DNHD1: variants seen among roughly 807,000 people sequenced by gnomAD.
DNHD1 encodes the protein dynein heavy chain domain-containing protein 1.
Under a neutral mutation model 458.1 loss-of-function variants are expected in DNHD1, and 383 were observed. The observed-to-expected ratio is 0.84, with a 90% CI of 0.77 to 0.91. The LOEUF (loss-of-function observed/expected upper bound fraction) is 0.91, where lower values mean the gene tolerates loss of function less well. Ranked by LOEUF, DNHD1 falls within the 40% of genes least tolerant of loss-of-function variation. The probability of loss-of-function intolerance (pLI) is 0.00; values close to 1 mark genes in which losing one functional copy is unlikely to be tolerated. For synonymous variants in DNHD1, 2,203 were observed against 2,376.9 expected (o/e 0.93, Z 2.13); for missense variants, 5,336 against 5,866.1 (o/e 0.91, Z 2.95).
Position 6,520,029 on chromosome 11 carries a change from A to C in DNHD1, c.1712A>C (p.His571Pro). The stretch of plus-strand genomic sequence containing the variant: ...TTTGATGATCATGGTCAACTGTCTC[A>C]TGTGCCCTGTGTTGAAAATATGATC... ...LVFDDHGQLS[H>P]VPCVENMIQT... The change falls in exon 9 of 43, where the codon CAT becomes CCT. Residue 571 changes from histidine to proline, a missense_variant. By Grantham distance (77) the His-to-Pro change is moderately conservative (BLOSUM62 -2). Around this residue, in one of 4 missense-constraint regions of DNHD1, gnomAD observed 3,932 missense variants for 4,365.6 expected, o/e 0.90. Transcript: ENST00000254579. The C allele has an allele frequency of 6.2e-7, 1 of 1,614,078 alleles. No homozygotes were observed. Among genetic ancestry groups the C allele is most frequent in the South Asian group, 1.1e-5 (1 of 91,082 alleles).
chr11:6,567,036 G>T lies in DNHD1; in HGVS notation c.11527G>T (p.Glu3843Ter). 1 of 1,614,044 alleles carries T rather than the reference G, an allele frequency of 6.2e-7. No individual in the cohort carries two copies. ...AGAGTTAGAAGGGCAGAAACTACAG[G>T]AGATGGTATTGTGGGCACCCTATCG... is the stretch of plus-strand genomic sequence containing the variant. The part of the protein sequence containing the change: ...CEELEGQKLQ[E>*]MVLWAPYRPV... Residue 3843 changes from glutamate to a stop codon, truncating the protein, a stop_gained, in exon 36 of 43, where the codon GAG (glutamate) becomes TAG (stop). Coordinates refer to ENST00000254579, the MANE Select transcript of DNHD1 (RefSeq NM_144666.3). LOFTEE classifies it high-confidence loss of function.
chr11:6,545,710 C>T lies in DNHD1; in HGVS notation c.4771C>T (p.His1591Tyr), dbSNP rs986877312. The stretch of plus-strand genomic sequence containing the variant: ...GGATATAGCACAGCTGCTGGAACAG[C>T]ACCAGGTCAGTGATCTCACAGACTT... ...HRDIAQLLEQHQVSDLTDFHW... is the reference protein window; with the variant it reads ...HRDIAQLLEQYQVSDLTDFHW... Residue 1591 changes from histidine to tyrosine, a missense_variant, in exon 21 of 43, where the codon CAC becomes TAC. Transcript: ENST00000254579. This position sits in a 1 kb window ranked among gnomAD's most constrained non-coding sequence, Gnocchi z 4.9. The T allele has an allele frequency of 6.1e-5, 94 of 1,551,594 alleles. No individual in the cohort carries two copies. Among genetic ancestry groups the T allele is most frequent in the Middle Eastern group, 3.3e-4 (2 of 6,014 alleles).
chr11:6,545,029 G>A lies in DNHD1; in HGVS notation c.4090G>A (p.Asp1364Asn). The A allele has an allele frequency of 6.4e-7, 1 of 1,551,884 alleles. No homozygotes were observed. The highest frequency in any genetic ancestry group is 1.4e-5 in the African/African-American group (1 of 73,172). ...AHFPRLFFLS[D>N]SELVALLAAR... ...CTTCCCCCGCCTCTTCTTCCTTAGT[G>A]ACAGTGAGCTGGTAGCCCTGCTGGC... The change falls in exon 21 of 43, where the codon GAC becomes AAC. Residue 1364 changes from aspartate (D) to asparagine (N), a missense_variant. Asp to Asn is a conservative substitution (Grantham distance 23, BLOSUM62 1). Transcript: ENST00000254579. This position sits in a 1 kb window ranked among gnomAD's most constrained non-coding sequence, Gnocchi z 4.9.
chr11:6,544,149 G>C lies in DNHD1; in HGVS notation c.3657G>C (p.Gln1219His), dbSNP rs976802805. ...SDYSNLQDSI[Q>H]ESLQVLSKIL... ...ACAGCAACCTGCAGGATTCCATCCA[G>C]GAAAGTCTTCAGGTGTTGTCCAAGA... The change falls in exon 19 of 43, where the codon CAG becomes CAC. Residue 1219 changes from glutamine to histidine, a missense_variant. Gln to His is a conservative substitution (Grantham distance 24). Transcript: ENST00000254579. 1.3e-6 allele frequency: 2 copies of C among 1,551,458 alleles called. No homozygotes were observed. Among genetic ancestry groups the C allele is most frequent in the African/African-American group, 2.7e-5 (2 of 73,012 alleles).
chr11:6,560,763 C>T (rs764513848), intron 28 of DNHD1, among the ~76,000 whole-genome samples: 1 of 152,318 alleles, frequency 6.6e-6, no homozygotes. Flanking sequence ...CATTACCACC[C>T]ACTGAGCCAA....
chr11:6,518,810 A>G (rs1183835760), intron 7 of DNHD1, among the ~76,000 whole-genome samples: 1 of 152,176 alleles, frequency 6.6e-6, no homozygotes, highest in Non-Finnish European at 1.5e-5. Context: ...TCCCGTGCTT[A>G]GGACTTAACT....
intron 10 of DNHD1, among the ~76,000 whole-genome samples, chr11:6,526,188 GA>G (rs1852707837): frequency 6.6e-6 from 1 of 151,990 alleles, no homozygotes; most frequent in East Asian, 1.9e-4. Flanking sequence ...TTTTTCTTGA[GA>G]AATTATCTGT....
intron 4 of DNHD1, chr11:6,508,327 T>G (rs1852267151): frequency 2.0e-5 from 3 of 153,508 alleles, no homozygotes; most frequent in Admixed American, 1.9e-4. Context: ...GTTGCAATTT[T>G]CCTCTTTATT....
chr11:6,568,107 GTCTCAGT>G lies in DNHD1; in HGVS notation c.12405_12411del (p.Ser4136TrpfsTer22). On this transcript the variant is annotated frameshift_variant, in exon 37 of 43. Coordinates refer to ENST00000254579, the MANE Select transcript of DNHD1 (RefSeq NM_144666.3). LOFTEE classifies it high-confidence loss of function. ...CCTGGGCTCTGAAGCCTGGGACCCA[GTCTCAGT>G]TGTGGTCAGCACTCTATCCCAGGCT... The G allele has an allele frequency of 6.4e-7, 1 of 1,572,442 alleles. No individual in the cohort carries two copies. Among genetic ancestry groups the G allele is most frequent in the South Asian group, 1.2e-5 (1 of 85,734 alleles).
Position 6,540,057 on chromosome 11 carries a change from A to C in DNHD1, c.3602A>C (p.Lys1201Thr). ...LRSPQWEVVDKDSGTFILSDY... is the reference protein window; with the variant it reads ...LRSPQWEVVDTDSGTFILSDY... ...AGCCCCCAATGGGAGGTAGTGGACAAAGATAGTGGCACCTTCATCCTCTCA... is the reference window on the plus strand; with the variant it reads ...AGCCCCCAATGGGAGGTAGTGGACACAGATAGTGGCACCTTCATCCTCTCA... Residue 1201 changes from lysine to threonine, a missense_variant, in exon 18 of 43, where the codon AAA becomes ACA. By Grantham distance (78) the Lys-to-Thr change is moderately conservative. Coordinates refer to ENST00000254579, the MANE Select transcript of DNHD1 (RefSeq NM_144666.3). The C allele has an allele frequency of 6.4e-7, 1 of 1,551,702 alleles. No individual in the cohort carries two copies. The highest frequency in any genetic ancestry group is 8.7e-7 in the Non-Finnish European group (1 of 1,146,982).
chr11:6,558,313 C>G lies in DNHD1; in HGVS notation c.9002+16C>G. On this transcript the variant is annotated intron_variant, in intron 25 of 42. Transcript: ENST00000254579. ...TGTTGCAGAGGTGAGGCCAAGAACC[C>G]CATATGCGAATCTGCTCTGCTCTTA... is the stretch of plus-strand genomic sequence containing the variant. 1.3e-6 allele frequency: 2 copies of G among 1,547,414 alleles called. No homozygotes were observed. Among genetic ancestry groups the G allele is most frequent in the Non-Finnish European group, 1.7e-6 (2 of 1,145,026 alleles).
Position 6,548,041 on chromosome 11 carries a change from G to A in DNHD1, c.6905+1G>A. The A allele has an allele frequency of 5.2e-6, 8 of 1,551,672 alleles. No individual in the cohort carries two copies. Among genetic ancestry groups the A allele is most frequent in the Non-Finnish European group, 7.0e-6 (8 of 1,146,990 alleles). On this transcript the variant is annotated splice_donor_variant, in intron 22 of 42. Coordinates refer to ENST00000254579, the MANE Select transcript of DNHD1 (RefSeq NM_144666.3). LOFTEE classifies it high-confidence loss of function. This position sits in a 1 kb window ranked among gnomAD's most constrained non-coding sequence, Gnocchi z 4.4. ...GCTTTGGAGCCCACCTTCCCTCCAG[G>A]TACCTACCAGGATGGGGGATGGGAG...
At chr11:6,516,199 C>T (rs1449229612) in intron 7 of DNHD1, among the ~76,000 whole-genome samples, 4 of 151,736 alleles carry the variant, frequency 2.6e-5, no homozygotes, top group Non-Finnish European at 4.4e-5. Context: ...GCTGTTCTTT[C>T]AGTTTTTGCA....
rs767126728 is a variant in DNHD1 at position 6,545,299 on chromosome 11, T to G, written c.4360T>G (p.Cys1454Gly). 1 of 1,551,738 alleles carries G rather than the reference T, an allele frequency of 6.4e-7. No individual in the cohort carries two copies. ...LPKWLASLEK[C>G]LRLALVHMLQ... ...TAAGTGGCTGGCCTCTCTGGAGAAG[T>G]GTCTGCGCTTGGCACTGGTGCACAT... The change falls in exon 21 of 43, where the codon TGT becomes GGT. Residue 1454 changes from cysteine (C) to glycine (G), a missense_variant. Cys to Gly is a radical substitution (Grantham distance 159). Coordinates refer to ENST00000254579, the MANE Select transcript of DNHD1 (RefSeq NM_144666.3). This position sits in a 1 kb window ranked among gnomAD's most constrained non-coding sequence, Gnocchi z 4.9.
chr11:6,543,141 T>C (rs561241509), intron 18 of DNHD1, among the ~76,000 whole-genome samples: 1 of 152,154 alleles, frequency 6.6e-6, no homozygotes, highest in African/African-American at 2.4e-5. Flanking sequence ...CTCTAGAGAG[T>C]GGAGTAGAAG....
intron 17 of DNHD1, among the ~76,000 whole-genome samples, 160 bp from the exon 18 acceptor site, chr11:6,539,716 T>G (rs992646201): frequency 6.6e-6 from 1 of 152,188 alleles, no homozygotes; most frequent in Non-Finnish European, 1.5e-5. Flanking sequence ...TGGCCTATCT[T>G]TGAAGCCTGA....
At position 6,546,097 on chromosome 11, in the gene DNHD1, CA is replaced by C. The variant is rs1564815972; in HGVS notation, c.5160del (p.Gln1720HisfsTer3). The C allele has an allele frequency of 6.4e-7, 1 of 1,551,586 alleles. No homozygotes were observed. Among genetic ancestry groups the C allele is most frequent in the Non-Finnish European group, 8.7e-7 (1 of 1,146,842 alleles). On this transcript the variant is annotated frameshift_variant, in exon 21 of 43. Transcript: ENST00000254579. ...ACCCTGCTCACCTCAGATAGAGGCT[CA>C]ATGCCTGAGCAACTATCTGAATGGT... Reference protein sequence around the residue: ...MLPCSPQIEAQCLSNYLNGAL... With the variant: ...MLPCSPQIEAXCLSNYLNGAL...
chr11:6,519,674 C>G lies in DNHD1; in HGVS notation c.1467C>G (p.Gly489=), dbSNP rs1214397786. ...RVQNCDRIRT[G]QGSIYLQRVQ... is the part of the protein sequence containing the mutation. ...AAAACTGTGACAGGATCAGGACAGGCCAAGGCTCCATATACCTTCAGAGGG... is the reference window on the plus strand; with the variant it reads ...AAAACTGTGACAGGATCAGGACAGGGCAAGGCTCCATATACCTTCAGAGGG... The change falls in exon 8 of 43, where the codon GGC becomes GGG. Residue 489 remains glycine (G), a synonymous_variant. Coordinates refer to ENST00000254579, the MANE Select transcript of DNHD1 (RefSeq NM_144666.3). 3.1e-6 allele frequency: 5 copies of G among 1,614,174 alleles called. No individual in the cohort carries two copies. In the Admixed American group the frequency reaches 8.3e-5, roughly 27 times the overall value.
In DNHD1 at chr11:6,545,085, A is replaced by G. The variant is rs752664107; in HGVS notation, c.4146A>G (p.Leu1382=). The G allele has an allele frequency of 1.5e-5, 24 of 1,551,834 alleles. No individual in the cohort carries two copies. In the South Asian group the frequency reaches 2.5e-4, roughly 16 times the overall value. ...GACTGGAATCATGCGAAGCCCAGCT[A>G]TGGGTACGACGCTGCTTTCCTCATG... The part of the protein sequence containing the change: ...AARLESCEAQ[L]WVRRCFPHVH... Residue 1382 remains leucine, a synonymous_variant, in exon 21 of 43, where the codon CTA becomes CTG. Coordinates refer to ENST00000254579, the MANE Select transcript of DNHD1 (RefSeq NM_144666.3). The surrounding 1 kb of genome is among the most constrained non-coding windows in gnomAD (Gnocchi z 4.9).
Sources: gnomAD v4.1 joint callset for allele counts (sites outside exome capture counted in the v4.1 genomes callset) on GRCh38, gnomAD v4.1.1 for gene constraint, gnomAD v4.1.1 regional missense constraint, Gnocchi (gnomAD v3.1) non-coding constraint, MANE v1.5 for transcripts, NCBI Gene and HGNC (gene_info 2026-07-23, HGNC 2026-07-21) for gene names.